MAT1A: variants seen among roughly 807,000 people sequenced by gnomAD.
The protein encoded by MAT1A is methionine adenosyltransferase 1A.
Under a neutral mutation model 44.0 loss-of-function variants are expected in MAT1A, and 19 were observed. The observed-to-expected ratio is 0.43, with a 90% CI of 0.30 to 0.63. The LOEUF (loss-of-function observed/expected upper bound fraction) is 0.63. Among genes scored for constraint, MAT1A ranks in the 30% least tolerant of loss-of-function variants. The pLI is 0.12. For synonymous variants in MAT1A, 205 were observed against 205.6 expected, an observed-to-expected ratio of 1.00 and a Z score of 0.03; for missense variants, 397 against 531.0, an observed-to-expected ratio of 0.75 and a Z score of 2.48.
At chr10:80,280,833 GA>G in intron 3 of MAT1A, 41 bp from the exon 4 acceptor site, 1 of 1,448,334 alleles carries the variant, frequency 6.9e-7, no homozygotes, top group Non-Finnish European at 9.7e-7. Flanking sequence ...GAACAGGTCA[GA>G]AGGAGGGGGC....
rs774998236 is a variant in MAT1A, at chr10:80,280,931, G to A, written c.293-139C>T. The A allele has an allele frequency of 4.2e-4, 302 of 716,418 alleles. 2 individuals are homozygous for A. The highest frequency in any genetic ancestry group is 6.1e-5 in the Non-Finnish European group (24 of 396,138). The allele number at this position is 716,418 out of a possible 1,614,324, so 44.4% of individuals were successfully genotyped here. On this transcript the variant is annotated intron_variant, in intron 3 of 8. Transcript: ENST00000372213. ...CCCTAACTAGCCAGGGTCTGTCTAG[G>A]CCCACAGCTGAGGCCCAGGATGGGA...
intron 5 of MAT1A, among the ~76,000 whole-genome samples, chr10:80,278,681 C>G (rs1841521563): frequency 6.6e-6 from 1 of 152,256 alleles, no homozygotes; most frequent in Non-Finnish European, 1.5e-5. Flanking sequence ...GCACACTTCC[C>G]TGCCCCAGTA....
At chr10:80,282,538 C>T (rs1841580689) in intron 3 of MAT1A, among the ~76,000 whole-genome samples, 1 of 152,190 alleles carries the variant, frequency 6.6e-6, no homozygotes, top group South Asian at 2.1e-4. Flanking sequence ...TGTACATAAA[C>T]AAATTGGCTT....
intron 3 of MAT1A, among the ~76,000 whole-genome samples, chr10:80,282,852 A>G (rs943052947): frequency 6.6e-6 from 1 of 152,184 alleles, no homozygotes; most frequent in Non-Finnish European, 1.5e-5. Flanking sequence ...AGGATGCTAC[A>G]CATCACCCTA....
Position 80,275,159 on chromosome 10 carries a change from G to T in MAT1A, c.809C>A (p.Thr270Asn), listed in dbSNP as rs1841469432. ...GVTGRKIIVDTYGGWGAHGGG... is the reference protein window; with the variant it reads ...GVTGRKIIVDNYGGWGAHGGG... ...ACCATGAGCCCCCCAGCCGCCATAG[G>T]TGTCCACAATAATCTTACGGCCAGT... The change falls in exon 7 of 9, where the codon ACC becomes AAC. Residue 270 changes from threonine to asparagine, a missense_variant. By Grantham distance (65) the Thr-to-Asn change is moderately conservative (BLOSUM62 0). Coordinates refer to ENST00000372213, the MANE Select transcript of MAT1A (RefSeq NM_000429.3). 6.2e-7 allele frequency: 1 copy of T among 1,613,634 alleles called. No individual in the cohort carries two copies. The highest frequency in any genetic ancestry group is 8.5e-7 in the Non-Finnish European group (1 of 1,179,874).
rs1180198697 is a variant in MAT1A at position 80,280,128 on chromosome 10, TA to T, written c.549+44del. The T allele has an allele frequency of 1.9e-6, 3 of 1,609,914 alleles. No individual in the cohort carries two copies. In the South Asian group the frequency reaches 3.3e-5, roughly 18 times the overall value. ...AAGAATCAAGAGGATTTGGGGGTATTAAAGCTTCTGTCTAGGGCTCTCCTGG... is the reference window on the plus strand; with the variant it reads ...AAGAATCAAGAGGATTTGGGGGTATTAAGCTTCTGTCTAGGGCTCTCCTGG... On this transcript the variant is annotated intron_variant, in intron 5 of 8. Coordinates refer to ENST00000372213, the MANE Select transcript of MAT1A (RefSeq NM_000429.3).
chr10:80,280,567 G>A (rs1485189578), intron 4 of MAT1A, 113 bp downstream of exon 4: 14 of 1,088,434 alleles, frequency 1.3e-5, no homozygotes, highest in Non-Finnish European at 1.7e-5. Flanking sequence ...TTCCCAACTC[G>A]CTCCTGGCTA....
At chr10:80,280,560 C>T (rs1004305057) in intron 4 of MAT1A, 120 bp downstream of exon 4, 4 of 1,063,540 alleles carry the variant, frequency 3.8e-6, no homozygotes, top group Non-Finnish European at 5.9e-6. Flanking sequence ...GCTGGGGTTC[C>T]CAACTCGCTC....
At chr10:80,283,867 C>T in intron 3 of MAT1A, 49 bp downstream of exon 3, 1 of 1,612,670 alleles carries the variant, frequency 6.2e-7, no homozygotes, top group Non-Finnish European at 8.5e-7. Context: ...ACTGGGGTCT[C>T]TATCAGCAGA....
intron 5 of MAT1A, among the ~76,000 whole-genome samples, chr10:80,278,379 A>G (rs1209782034): frequency 6.6e-6 from 1 of 152,156 alleles, no homozygotes; most frequent in Non-Finnish European, 1.5e-5. Flanking sequence ...TGCACAAGGA[A>G]GAGAAAAAAC....
At position 80,273,853 on chromosome 10, in the gene MAT1A, C is replaced by T; in HGVS notation, c.1116G>A (p.Gln372=). 1.2e-6 allele frequency: 2 copies of T among 1,613,550 alleles called. No homozygotes were observed. The highest frequency in any genetic ancestry group is 1.7e-4 in the Middle Eastern group (1 of 6,052). ...CGAAATGGCCGTAGCATGCTGTCTTCTGGTAGATGGGCTTCTTCAAGTCCA... is the reference window on the plus strand; with the variant it reads ...CGAAATGGCCGTAGCATGCTGTCTTTTGGTAGATGGGCTTCTTCAAGTCCA... ...RDLDLKKPIY[Q]KTACYGHFGR... The change falls in exon 9 of 9, where the codon CAG becomes CAA. Residue 372 remains glutamine (Q), a synonymous_variant. Coordinates refer to ENST00000372213, the MANE Select transcript of MAT1A (RefSeq NM_000429.3).
rs1841424137 is a variant in MAT1A, at chr10:80,272,584, CAGGGGATACAAGGGACCAGGGAA to C, written c.*1174_*1196del. On this transcript the variant is annotated 3_prime_UTR_variant, in exon 9 of 9. Transcript: ENST00000372213. ...ACTCCCTCCAAATGCACTCAGCCTGCAGGGGATACAAGGGACCAGGGAAAGAGAAAGACTTGAGGGCCTCTGTC... is the reference window on the plus strand; with the variant it reads ...ACTCCCTCCAAATGCACTCAGCCTGCAGAGAAAGACTTGAGGGCCTCTGTC... 1 of 152,500 alleles carries C rather than the reference CAGGGGATACAAGGGACCAGGGAA, an allele frequency of 6.6e-6. No homozygotes were observed. The highest frequency in any genetic ancestry group is 1.5e-5 in the Non-Finnish European group (1 of 68,284). 9.4% of individuals were successfully genotyped at this position (152,500 alleles called of 1,614,324 possible). A position where few individuals can be genotyped will look rare whatever the true frequency, so the allele number is the denominator to read the frequency against.
At chr10:80,289,236 C>A (rs1841688545) in intron 1 of MAT1A, 97 bp downstream of exon 1, 4 of 974,322 alleles carry the variant, frequency 4.1e-6, no homozygotes, top group Non-Finnish European at 6.7e-6. Flanking sequence ...TAAATATGCA[C>A]AATTATTATG....
intron 8 of MAT1A, 26 bp from the exon 9 acceptor site, chr10:80,273,909 C>A: frequency 6.7e-7 from 1 of 1,497,372 alleles, no homozygotes; most frequent in South Asian, 1.1e-5. Flanking sequence ...AAAGGAAGGG[C>A]ATTGGAAGAT....
chr10:80,285,988 G>A (rs1033801691), intron 1 of MAT1A, among the ~76,000 whole-genome samples: 1 of 151,950 alleles, frequency 6.6e-6, no homozygotes, highest in Non-Finnish European at 1.5e-5. Context: ...ACCACGCCTG[G>A]CTAATTTGTT....
Position 80,276,359 on chromosome 10 carries a change from C to T in MAT1A, c.768+17G>A. 1.2e-6 allele frequency: 2 copies of T among 1,613,520 alleles called. No homozygotes were observed. The highest frequency in any genetic ancestry group is 1.3e-5 in the African/African-American group (1 of 75,060). On this transcript the variant is annotated intron_variant, in intron 6 of 8. Coordinates refer to ENST00000372213, the MANE Select transcript of MAT1A (RefSeq NM_000429.3). ...AACAAAGACAAACCAGGGCTTCGTTCAGAGACAAGAATGCACCTGGGGACC... is the reference window on the plus strand; with the variant it reads ...AACAAAGACAAACCAGGGCTTCGTTTAGAGACAAGAATGCACCTGGGGACC...
intron 2 of MAT1A, 65 bp downstream of exon 2, chr10:80,285,447 C>T: frequency 3.0e-6 from 4 of 1,329,456 alleles, no homozygotes; most frequent in Non-Finnish European, 4.3e-6. Context: ...TGTCTTATAC[C>T]CATGATTAAT....
At position 80,289,603 on chromosome 10, in the gene MAT1A, T is replaced by C; in HGVS notation, c.-180A>G. 1.5e-6 allele frequency: 1 copy of C among 658,656 alleles called. No homozygotes were observed. Among genetic ancestry groups the C allele is most frequent in the Non-Finnish European group, 2.8e-6 (1 of 360,972 alleles). 40.8% of individuals were successfully genotyped at this position (658,656 alleles called of 1,614,324 possible). Reference sequence around the variant, plus strand: ...GCACGTGAGAACAGGCGAGGACTGCTGAGAAGGGAGGGAGTGGATGGAACA... The same window carrying C: ...GCACGTGAGAACAGGCGAGGACTGCCGAGAAGGGAGGGAGTGGATGGAACA... On this transcript the variant is annotated 5_prime_UTR_variant, in exon 1 of 9. Transcript: ENST00000372213.
intron 6 of MAT1A, among the ~76,000 whole-genome samples, chr10:80,275,814 C>T (rs1363642412): frequency 1.3e-5 from 2 of 152,232 alleles, no homozygotes; most frequent in Non-Finnish European, 2.9e-5. Flanking sequence ...CGGGATGGAG[C>T]TCAACTCTGG....
Sources: allele counts gnomAD v4.1 joint callset (sites outside exome capture counted in the v4.1 genomes callset), GRCh38; gene constraint gnomAD v4.1.1; transcripts MANE v1.5; gene names NCBI Gene and HGNC (gene_info 2026-07-23, HGNC 2026-07-21).